Variants in DPP10 observed in about 807,000 individuals in gnomAD.
DPP10 encodes dipeptidyl peptidase like 10, also known as inactive dipeptidyl peptidase 10.
A neutral mutation model predicts 120.9 loss-of-function variants in DPP10; 33 were observed. That is an observed-to-expected ratio of 0.27 (90% CI 0.21 to 0.37). DPP10 has a LOEUF of 0.37. Among genes scored for constraint, DPP10 ranks in the 10% least tolerant of loss-of-function variants. DPP10 has a pLI of 1.00. For missense variants in DPP10, 816 were observed against 942.8 expected (o/e 0.87, Z 1.76); for synonymous variants, 337 against 326.1 (o/e 1.03, Z -0.36).
chr2:114,544,173 C>T (rs1315406839), intron 1 of DPP10, among the ~76,000 whole-genome samples: 1 of 152,044 alleles, frequency 6.6e-6, no homozygotes, highest in Non-Finnish European at 1.5e-5. Flanking sequence ...TAAAGAAGAT[C>T]AGAAGAATCA....
At chr2:115,336,595 C>CTATA (rs1406903802) in intron 2 of DPP10, among the ~76,000 whole-genome samples, 1 of 150,108 alleles carries the variant, frequency 6.7e-6, no homozygotes, top group African/African-American at 2.4e-5. Flanking sequence ...CTCTCTCTCT[C>CTATA]TCTCTATATA....
chr2:114,565,052 A>T (rs1689092136), intron 1 of DPP10, among the ~76,000 whole-genome samples: 1 of 152,198 alleles, frequency 6.6e-6, no homozygotes, highest in Non-Finnish European at 1.5e-5. Flanking sequence ...ATATACAAGC[A>T]AATGTCAAGT....
chr2:115,097,469 T>C (rs1241002891), intron 1 of DPP10, among the ~76,000 whole-genome samples: 4 of 152,160 alleles, frequency 2.6e-5, no homozygotes, highest in Non-Finnish European at 2.9e-5. Context: ...ATGACTGTGA[T>C]TGGCTAGTTA....
intron 7 of DPP10, among the ~76,000 whole-genome samples, chr2:115,727,244 G>A (rs1238619733): frequency 1.3e-5 from 2 of 149,844 alleles, no homozygotes; most frequent in Non-Finnish European, 3.0e-5. Flanking sequence ...ATTTACAAAA[G>A]AGTTGCCAAG....
intron 5 of DPP10, among the ~76,000 whole-genome samples, chr2:115,680,431 C>A (rs80047528): frequency 6.6e-6 from 1 of 151,652 alleles, no homozygotes; most frequent in Admixed American, 6.6e-5. Flanking sequence ...CAGTAAAAGA[C>A]AAATTATGTA....
At chr2:115,517,205 C>T (rs1163366982) in intron 4 of DPP10, among the ~76,000 whole-genome samples, 1 of 152,102 alleles carries the variant, frequency 6.6e-6, no homozygotes, top group African/African-American at 2.4e-5. Flanking sequence ...CACTGGTCTC[C>T]TCAACTGTGC....
At chr2:115,491,616 C>T (rs548037164) in intron 3 of DPP10, among the ~76,000 whole-genome samples, 1 of 152,080 alleles carries the variant, frequency 6.6e-6, no homozygotes, top group African/African-American at 2.4e-5. Context: ...CTAGCATCTT[C>T]CTGGCTGGAA....
At chr2:114,913,005 T>A (rs1694491403) in intron 1 of DPP10, among the ~76,000 whole-genome samples, 1 of 152,236 alleles carries the variant, frequency 6.6e-6, no homozygotes, top group Admixed American at 6.5e-5. Context: ...AACAGTGCTA[T>A]CTTGTCCATG....
intron 3 of DPP10, among the ~76,000 whole-genome samples, chr2:115,379,450 T>C (rs562011079): frequency 1.3e-5 from 2 of 152,306 alleles, no homozygotes; most frequent in East Asian, 3.9e-4. Flanking sequence ...TCTTTTTTTG[T>C]TTATTAGTCT....
rs35282441 is a variant in DPP10, at chr2:115,398,174, C to CT, written c.271+54274dup. On this transcript the variant is annotated intron_variant, in intron 3 of 25. Transcript: ENST00000410059. ...CCCTGGAGTTTTTCATTGTATATGA[C>CT]TTTTTTTTTTTTCCTTCTTTTGTCC... Among the ~76,000 whole-genome samples the CT allele has an allele frequency of 3.5e-3, 517 of 148,930 alleles. 5 individuals carry two copies. The highest frequency in any genetic ancestry group is 0.014 in the Middle Eastern group (4 of 292).
intron 5 of DPP10, among the ~76,000 whole-genome samples, chr2:115,551,059 T>C (rs985526729): frequency 3.9e-5 from 6 of 152,152 alleles, no homozygotes; most frequent in South Asian, 2.1e-4. Context: ...TATTGGCATA[T>C]GGAGACATTT....
intron 1 of DPP10, among the ~76,000 whole-genome samples, chr2:114,651,403 A>G (rs939116155): frequency 6.6e-6 from 1 of 152,092 alleles, no homozygotes. Flanking sequence ...GTGTTTCTCA[A>G]GCTTTACCCT....
chr2:114,599,552 C>T (rs1049183657), intron 1 of DPP10, among the ~76,000 whole-genome samples: 4 of 151,576 alleles, frequency 2.6e-5, no homozygotes, highest in South Asian at 4.1e-4. Context: ...GGGCACTGAT[C>T]GTTTGCCCTT....
chr2:114,748,510 G>C (rs1035762665), intron 1 of DPP10, among the ~76,000 whole-genome samples: 23 of 134,980 alleles, frequency 1.7e-4, no homozygotes, highest in African/African-American at 5.6e-4. Flanking sequence ...CCACTAACTC[G>C]TCATCTAGCA....
chr2:114,687,934 G>A (rs926235706), intron 1 of DPP10, among the ~76,000 whole-genome samples: 51 of 151,976 alleles, frequency 3.4e-4, no homozygotes, highest in African/African-American at 1.1e-3. Context: ...CTTCCAGGTA[G>A]AACATTAGTT....
At chr2:114,664,262 C>G (rs1697720733) in intron 1 of DPP10, among the ~76,000 whole-genome samples, 1 of 151,832 alleles carries the variant, frequency 6.6e-6, no homozygotes, top group East Asian at 2.0e-4. Flanking sequence ...TAACAAGAAG[C>G]ATGTGGATAA....
intron 5 of DPP10, among the ~76,000 whole-genome samples, chr2:115,590,575 C>G (rs919611254): frequency 6.6e-6 from 1 of 152,154 alleles, no homozygotes; most frequent in Non-Finnish European, 1.5e-5. Flanking sequence ...CATTGATGGA[C>G]ATTTGGGTTG....
At chr2:115,500,618 A>T (rs1418253184) in intron 4 of DPP10, among the ~76,000 whole-genome samples, 1 of 152,034 alleles carries the variant, frequency 6.6e-6, no homozygotes, top group East Asian at 1.9e-4. Flanking sequence ...AAATTTAACC[A>T]GCCAACTAAT....
intron 1 of DPP10, among the ~76,000 whole-genome samples, chr2:114,479,255 T>C (rs7580359): frequency 0.65 from 98,920 of 151,918 alleles, 32,363 homozygotes; most frequent in East Asian, 0.71. Context: ...CTCAAATTTA[T>C]ATAGAAAGGC....
Sources: gnomAD v4.1 joint callset for allele counts (sites outside exome capture counted in the v4.1 genomes callset) on GRCh38, gnomAD v4.1.1 for gene constraint, MANE v1.5 for transcripts, NCBI Gene and HGNC (gene_info 2026-07-23, HGNC 2026-07-21) for gene names.